Variants in CDH12 observed in about 807,000 individuals in gnomAD.
CDH12 encodes cadherin-12.
Under a neutral mutation model 74.1 loss-of-function variants are expected in CDH12, and 41 were observed. That is an observed-to-expected ratio of 0.55 (90% CI 0.43 to 0.72). The LOEUF is 0.72. CDH12 is among the 30% of genes least tolerant of loss of function. The pLI is 0.00. For missense variants in CDH12, 945 were observed against 977.2 expected, an observed-to-expected ratio of 0.97 and a Z score of 0.44; for synonymous variants, 399 against 355.0, an observed-to-expected ratio of 1.12 and a Z score of -1.39.
chr5:22,139,433 T>A (rs1262163205), intron 4 of CDH12: 2 of 112,084 alleles, frequency 1.8e-5, no homozygotes, highest in African/African-American at 7.1e-5. Context: ...GGTGGTGTCA[T>A]CACTCTGTCA....
At chr5:22,061,075 C>G (rs1399653693) in intron 5 of CDH12, among the ~76,000 whole-genome samples, 1 of 152,136 alleles carries the variant, frequency 6.6e-6, no homozygotes, top group Non-Finnish European at 1.5e-5. Context: ...TAGTTCTTGA[C>G]ATTGACATAA....
At chr5:22,631,562 C>A (rs1264770910) in intron 1 of CDH12, among the ~76,000 whole-genome samples, 2 of 152,144 alleles carry the variant, frequency 1.3e-5, no homozygotes, top group Non-Finnish European at 2.9e-5. Flanking sequence ...CAGGTTCTCA[C>A]TTGCAAGTGG....
At chr5:22,381,348 T>C (rs975612540) in intron 3 of CDH12, among the ~76,000 whole-genome samples, 2 of 152,064 alleles carry the variant, frequency 1.3e-5, no homozygotes, top group Non-Finnish European at 2.9e-5. Flanking sequence ...TTACTATATT[T>C]AGAAAATATT....
chr5:22,314,939 G>GTTTTT (rs1340897012), intron 3 of CDH12, among the ~76,000 whole-genome samples: 19 of 73,596 alleles, frequency 2.6e-4, no homozygotes, highest in Non-Finnish European at 3.7e-4. Context: ...CCCTGGGTTG[G>GTTTTT]TCTTTTTTTT....
intron 3 of CDH12, among the ~76,000 whole-genome samples, chr5:22,300,249 C>T (rs1423321970): frequency 1.3e-5 from 2 of 152,180 alleles, no homozygotes; most frequent in Non-Finnish European, 2.9e-5. Flanking sequence ...GTATGCACTT[C>T]GGCTTTGTAA....
intron 2 of CDH12, among the ~76,000 whole-genome samples, chr5:22,459,751 G>T (rs962170916): frequency 6.6e-6 from 1 of 152,150 alleles, no homozygotes; most frequent in Non-Finnish European, 1.5e-5. Flanking sequence ...TGGATCATGA[G>T]GTCAGGAGAT....
intron 3 of CDH12, among the ~76,000 whole-genome samples, chr5:22,217,983 TATTA>T (rs1751880377): frequency 6.6e-6 from 1 of 151,620 alleles, no homozygotes; most frequent in South Asian, 2.1e-4. Context: ...TAGATTTTCT[TATTA>T]ATTCATAACT....
At chr5:22,785,155 GATGCTCGCCCA>G (rs1489171052) in intron 1 of CDH12, among the ~76,000 whole-genome samples, 1 of 151,996 alleles carries the variant, frequency 6.6e-6, no homozygotes, top group Non-Finnish European at 1.5e-5. Context: ...TACCTTTCCT[GATGCTCGCCCA>G]CTCTGAGTCT....
chr5:22,027,028 C>T (rs1042155212), intron 5 of CDH12, among the ~76,000 whole-genome samples: 7 of 152,118 alleles, frequency 4.6e-5, no homozygotes, highest in East Asian at 1.9e-4. Context: ...GCATGAAGGT[C>T]GTTGAATTTT....
chr5:22,660,181 G>A (rs1740270849), intron 1 of CDH12, among the ~76,000 whole-genome samples: 1 of 152,100 alleles, frequency 6.6e-6, no homozygotes, highest in Non-Finnish European at 1.5e-5. Context: ...GATGAACAAA[G>A]CAAGCATGTA....
intron 3 of CDH12, among the ~76,000 whole-genome samples, chr5:22,390,426 A>G (rs1451482456): frequency 6.6e-6 from 1 of 152,112 alleles, no homozygotes; most frequent in Non-Finnish European, 1.5e-5. Context: ...TAAATTTTAA[A>G]GGTTTGAAGT....
chr5:21,978,421 G>T (rs1336929279), intron 5 of CDH12, among the ~76,000 whole-genome samples: 1 of 152,180 alleles, frequency 6.6e-6, no homozygotes, highest in Non-Finnish European at 1.5e-5. Flanking sequence ...GGGATTATCG[G>T]CATGAGCCAC....
intron 4 of CDH12, among the ~76,000 whole-genome samples, chr5:22,166,075 C>T (rs745964968): frequency 7.2e-5 from 11 of 152,182 alleles, no homozygotes; most frequent in Non-Finnish European, 1.5e-4. Flanking sequence ...TGTGGACTCA[C>T]CACGAATTCT....
chr5:22,398,206 A>G (rs910736934), intron 3 of CDH12, among the ~76,000 whole-genome samples: 2 of 152,072 alleles, frequency 1.3e-5, no homozygotes, highest in African/African-American at 2.4e-5. Flanking sequence ...TGAAAAGCCA[A>G]CCACTGCTAT....
At chr5:21,756,952 A>G (rs1301845301) in intron 13 of CDH12, among the ~76,000 whole-genome samples, 12 of 152,156 alleles carry the variant, frequency 7.9e-5, no homozygotes, top group Non-Finnish European at 1.8e-4. Context: ...GAACAAATGG[A>G]TATTAATTGA....
chr5:21,863,399 T>G (rs1481100752), intron 6 of CDH12, among the ~76,000 whole-genome samples: 1 of 152,172 alleles, frequency 6.6e-6, no homozygotes, highest in African/African-American at 2.4e-5. Flanking sequence ...CTTAGAATAT[T>G]TTGAGCTTTC....
At chr5:21,899,515 G>C (rs1753284734) in intron 6 of CDH12, among the ~76,000 whole-genome samples, 1 of 152,072 alleles carries the variant, frequency 6.6e-6, no homozygotes, top group African/African-American at 2.4e-5. Context: ...CAAGGCTGTG[G>C]GCTCTTTAGG....
intron 5 of CDH12, among the ~76,000 whole-genome samples, chr5:22,046,671 A>G (rs888425070): frequency 2.6e-5 from 4 of 152,172 alleles, no homozygotes; most frequent in Admixed American, 6.5e-5. Flanking sequence ...ACAGTGACAC[A>G]TGGTTGAAAG....
At chr5:22,117,468 AATAT>A (rs1323855843) in intron 4 of CDH12, among the ~76,000 whole-genome samples, 17 of 75,978 alleles carry the variant, frequency 2.2e-4, no homozygotes, top group African/African-American at 9.2e-4. Flanking sequence ...TTATATATAT[AATAT>A]ATATATTATA....
Sources: gnomAD v4.1 joint callset for allele counts (sites outside exome capture counted in the v4.1 genomes callset) on GRCh38, gnomAD v4.1.1 for gene constraint, MANE v1.5 for transcripts, NCBI Gene and HGNC (gene_info 2026-07-23, HGNC 2026-07-21) for gene names.